Variants in PCDHA4 observed in about 807,000 individuals in gnomAD.
PCDHA4 encodes protocadherin alpha 4, also known as protocadherin alpha-4.
A neutral mutation model predicts 61.4 loss-of-function variants in PCDHA4; 49 were observed. That is an observed-to-expected ratio of 0.80 (90% CI 0.63 to 1.01). PCDHA4 has a LOEUF of 1.01. Among genes scored for constraint, PCDHA4 ranks in the 50% least tolerant of loss-of-function variants. The probability of loss-of-function intolerance (pLI) is 0.00; values close to 1 mark genes in which losing one functional copy is unlikely to be tolerated. For missense variants in PCDHA4, 1,254 were observed against 1,235.8 expected (o/e 1.01, Z -0.22); for synonymous variants, 590 against 550.3 (o/e 1.07, Z -1.01).
chr5:140,847,838 T>G (rs1182373979), intron 1 of PCDHA4: 1 of 149,830 alleles, frequency 6.7e-6, no homozygotes, highest in African/African-American at 2.4e-5. Flanking sequence ...CTACCTCAGT[T>G]GGTTGCTACT....
intron 1 of PCDHA4, among the ~76,000 whole-genome samples, chr5:140,914,725 T>C (rs1317424827): frequency 6.6e-6 from 1 of 152,164 alleles, no homozygotes; most frequent in African/African-American, 2.4e-5. Flanking sequence ...TTATTTTTTG[T>C]GTATCCATTG....
chr5:140,829,951 C>T (rs2150178473), intron 1 of PCDHA4: 3 of 1,614,004 alleles, frequency 1.9e-6, no homozygotes, highest in Non-Finnish European at 2.5e-6. Flanking sequence ...GCGCTCGCTT[C>T]CCGTTTCGCG....
rs116648173 is a variant in PCDHA4, at chr5:140,807,153, G to A, written c.-35G>A. The A allele has an allele frequency of 3.1e-4, 495 of 1,581,412 alleles. 3 individuals are homozygous for A. The African/African-American group carries it at 6.0e-3, about 19-fold the overall frequency. The stretch of plus-strand genomic sequence containing the variant: ...AAGATTTCCCTTGACTTTGAGAAAC[G>A]ATATTTAATCAGAACAAAATACTGT... On this transcript the variant is annotated 5_prime_UTR_variant, in exon 1 of 4. Transcript: ENST00000530339.
At position 140,858,191 on chromosome 5, in the gene PCDHA4, C is replaced by T. The variant is rs782250673; in HGVS notation, c.2385+48619C>T. On this transcript the variant is annotated intron_variant, in intron 1 of 3. Transcript: ENST00000530339. ...CAGCTTGCTGGTGCTCACGCTGCTG[C>T]TGTACACTGCACTGAGGTGCTCGGC... 16 of 1,597,324 alleles carry T rather than the reference C, an allele frequency of 1.0e-5. 2 individuals carry two copies. In the Admixed American group the frequency reaches 2.7e-4, roughly 27 times the overall value.
At chr5:140,870,925 T>A (rs1554164841) in intron 1 of PCDHA4, 1 of 1,613,916 alleles carries the variant, frequency 6.2e-7, no homozygotes, top group South Asian at 1.1e-5. Flanking sequence ...GTGGCTTTCA[T>A]ATGAATTGCA....
intron 1 of PCDHA4, chr5:140,822,209 G>A (rs2150114554): frequency 6.2e-7 from 1 of 1,614,228 alleles, no homozygotes; most frequent in Non-Finnish European, 8.5e-7. Context: ...TTAGAGTCAA[G>A]AATGCCAGAT....
At chr5:141,001,032 TTTAA>T (rs1332637304) in intron 3 of PCDHA4, among the ~76,000 whole-genome samples, 3 of 152,348 alleles carry the variant, frequency 2.0e-5, no homozygotes, top group Middle Eastern at 3.4e-3. Flanking sequence ...TAATAATAGC[TTTAA>T]TTAATTGTAA....
chr5:140,873,262 G>T (rs1196053156), intron 1 of PCDHA4, among the ~76,000 whole-genome samples: 1 of 152,136 alleles, frequency 6.6e-6, no homozygotes, highest in Non-Finnish European at 1.5e-5. Context: ...ACTCAAAAGT[G>T]ATTAAACCAT....
intron 1 of PCDHA4, chr5:140,968,939 A>G: frequency 6.2e-7 from 1 of 1,614,164 alleles, no homozygotes; most frequent in South Asian, 1.1e-5. Flanking sequence ...GACAATCATC[A>G]TTTTGAGCAT....
At chr5:140,858,446 T>G (rs782631209) in intron 1 of PCDHA4, 6 of 1,533,560 alleles carry the variant, frequency 3.9e-6, no homozygotes, top group Non-Finnish European at 5.3e-6. Flanking sequence ...GGTGGGTTAT[T>G]ACGTTTTCAT....
rs2150469499 is a variant in PCDHA4 at position 140,850,144 on chromosome 5, C to T, written c.2385+40572C>T. 59 of 1,595,512 alleles carry T rather than the reference C, an allele frequency of 3.7e-5. 6 individuals carry two copies. Among genetic ancestry groups the T allele is most frequent in the Non-Finnish European group, 4.5e-5 (53 of 1,167,848 alleles). On this transcript the variant is annotated intron_variant, in intron 1 of 3. Coordinates refer to ENST00000530339, the MANE Select transcript of PCDHA4 (RefSeq NM_018907.4). ...GTGCCGCCTCTGGGCAGCAACGTGA[C>T]GCTGCAGGTGTTCGTGCTGGACGAG... is the stretch of plus-strand genomic sequence containing the variant.
intron 1 of PCDHA4, chr5:140,824,063 C>T (rs2150131874): frequency 1.2e-6 from 2 of 1,614,096 alleles, no homozygotes; most frequent in Non-Finnish European, 8.5e-7. Flanking sequence ...GGGGAAGCTC[C>T]ACCCAAAACA....
chr5:140,967,485 C>A lies in PCDHA4; in HGVS notation c.2386-11464C>A, dbSNP rs781948599. 3.7e-6 allele frequency: 6 copies of A among 1,613,056 alleles called. No homozygotes were observed. In the South Asian group the frequency reaches 6.6e-5, roughly 18 times the overall value. On this transcript the variant is annotated intron_variant, in intron 1 of 3. Coordinates refer to ENST00000530339, the MANE Select transcript of PCDHA4 (RefSeq NM_018907.4). ...GGGGGCATCCCAGCCCGCTCGGGTA[C>A]GGCACAGATCTCTGTGCGTGTCCTG...
intron 1 of PCDHA4, chr5:140,882,976 T>G: frequency 1.2e-6 from 2 of 1,614,220 alleles, no homozygotes; most frequent in Non-Finnish European, 1.7e-6. Flanking sequence ...TGGACGTGAA[T>G]GACAACGCCC....
intron 1 of PCDHA4, among the ~76,000 whole-genome samples, chr5:140,910,513 A>G (rs1293675976): frequency 2.0e-5 from 3 of 152,184 alleles, no homozygotes; most frequent in Non-Finnish European, 4.4e-5. Flanking sequence ...CTCTTCAAGG[A>G]TGCAGGTACT....
intron 1 of PCDHA4, chr5:140,926,980 A>C: frequency 3.1e-6 from 5 of 1,610,364 alleles, no homozygotes; most frequent in Non-Finnish European, 4.2e-6. Flanking sequence ...GCCGGAGGAG[A>C]CGGAGCGGGG....
At chr5:140,851,222 T>A in intron 1 of PCDHA4, 1 of 1,140,378 alleles carries the variant, frequency 8.8e-7, no homozygotes, top group Non-Finnish European at 1.1e-6. Context: ...TTAACATCAC[T>A]ATCATTTATT....
intron 1 of PCDHA4, among the ~76,000 whole-genome samples, chr5:140,936,910 G>A (rs1221304306): frequency 6.6e-6 from 1 of 152,062 alleles, no homozygotes; most frequent in African/African-American, 2.4e-5. Context: ...TATTGAATCT[G>A]TAGAAAATAT....
chr5:140,839,771 G>C (rs1190836066), intron 1 of PCDHA4, among the ~76,000 whole-genome samples: 1 of 151,892 alleles, frequency 6.6e-6, no homozygotes, highest in Non-Finnish European at 1.5e-5. Context: ...TACGTTTTTG[G>C]TAAGAATTTT....
Sources: allele counts gnomAD v4.1 joint callset (sites outside exome capture counted in the v4.1 genomes callset), GRCh38; gene constraint gnomAD v4.1.1; transcripts MANE v1.5; gene names NCBI Gene and HGNC (gene_info 2026-07-23, HGNC 2026-07-21).